B3GALT5: variants seen among roughly 807,000 people sequenced by gnomAD.
B3GALT5 encodes the protein beta-1,3-galactosyltransferase 5.
For missense variants in B3GALT5, 328 were observed against 396.6 expected, an observed-to-expected ratio of 0.83 and a Z score of 1.47; for synonymous variants, 156 against 158.6, an observed-to-expected ratio of 0.98 and a Z score of 0.12.
chr21:39,635,127 G>A (rs56774677), intron 1 of B3GALT5, among the ~76,000 whole-genome samples: 1,756 of 152,264 alleles, frequency 0.012, 39 homozygotes, highest in African/African-American at 0.04. Flanking sequence ...ATTAACAATG[G>A]CAGTCTCTCA....
At chr21:39,653,794 G>A (rs1913235219) in intron 2 of B3GALT5, among the ~76,000 whole-genome samples, 1 of 152,176 alleles carries the variant, frequency 6.6e-6, no homozygotes, top group Admixed American at 6.5e-5. Flanking sequence ...CATTTTCTCA[G>A]TTGCTCAATC....
intron 1 of B3GALT5, among the ~76,000 whole-genome samples, chr21:39,641,461 A>G (rs897305112): frequency 6.6e-6 from 1 of 152,194 alleles, no homozygotes; most frequent in South Asian, 2.1e-4. Flanking sequence ...TGGAATTTAG[A>G]TGAAAAAAAA....
At chr21:39,647,626 G>A (rs1462687049) in intron 2 of B3GALT5, among the ~76,000 whole-genome samples, 7 of 152,108 alleles carry the variant, frequency 4.6e-5, no homozygotes, top group African/African-American at 2.4e-5. Flanking sequence ...GGGATTATGG[G>A]CGTGAGTCAC....
chr21:39,661,370 T>G lies in B3GALT5; in HGVS notation c.811T>G (p.Leu271Val), dbSNP rs142843576. 4.4e-6 allele frequency: 7 copies of G among 1,605,922 alleles called. No homozygotes were observed. The African/African-American group carries it at 9.4e-5, about 21-fold the overall frequency. The change falls in exon 4 of 4, where the codon TTA becomes GTA. Residue 271 changes from leucine to valine, a missense_variant. Physicochemically the swap from Leu to Val is conservative, Grantham distance 32 (BLOSUM62 1). Transcript: ENST00000684187. This position sits in a 1 kb window ranked among gnomAD's most constrained non-coding sequence, Gnocchi z 4.7. The part of the protein sequence containing the change: ...HSQPTFFPGG[L>V]RFSVCLFRRI... ...CCAGCCGACCTTTTTTCCAGGGGGC[T>G]TACGCTTCTCCGTATGCCTCTTCAG...
At chr21:39,628,414 C>T (rs116096181) in intron 1 of B3GALT5, among the ~76,000 whole-genome samples, 3,116 of 152,270 alleles carry the variant, frequency 0.02, 72 homozygotes, top group African/African-American at 0.056. Context: ...CTCACCCTTC[C>T]GAGTCTTTGT....
chr21:39,620,405 T>C (rs2079128313), intron 1 of B3GALT5, among the ~76,000 whole-genome samples: 1 of 152,230 alleles, frequency 6.6e-6, no homozygotes, highest in Admixed American at 6.5e-5. Flanking sequence ...ACCACGGAAA[T>C]TTGATAAATG....
Position 39,660,997 on chromosome 21 carries a change from T to C in B3GALT5, c.438T>C (p.Cys146=), listed in dbSNP as rs1412091201. 3 of 1,612,768 alleles carry C rather than the reference T, an allele frequency of 1.9e-6. No individual in the cohort carries two copies. The African/African-American group carries it at 4.0e-5, about 22-fold the overall frequency. ...GCATAGAATGGGTCCATCGCTTTTGTCCTCAGGCGGCGTTTGTGATGAAAA... is the reference window on the plus strand; with the variant it reads ...GCATAGAATGGGTCCATCGCTTTTGCCCTCAGGCGGCGTTTGTGATGAAAA... The part of the protein sequence containing the change: ...MMGIEWVHRF[C]PQAAFVMKTD... Residue 146 remains cysteine (C), a synonymous_variant, in exon 4 of 4, where the codon TGT becomes TGC. Coordinates refer to ENST00000684187, the MANE Select transcript of B3GALT5 (RefSeq NM_001356336.2).
chr21:39,643,934 G>C (rs1449302087), intron 1 of B3GALT5, among the ~76,000 whole-genome samples: 1 of 152,154 alleles, frequency 6.6e-6, no homozygotes, highest in African/African-American at 2.4e-5. Context: ...TGATAGTTCT[G>C]TCAATCAAGG....
chr21:39,649,738 C>G (rs2079376704), intron 2 of B3GALT5, among the ~76,000 whole-genome samples: 1 of 152,088 alleles, frequency 6.6e-6, no homozygotes, highest in Non-Finnish European at 1.5e-5. Context: ...GGACGAGGAA[C>G]CGATCAGATA....
At chr21:39,630,641 T>C (rs1396862382) in intron 1 of B3GALT5, among the ~76,000 whole-genome samples, 1 of 152,218 alleles carries the variant, frequency 6.6e-6, no homozygotes, top group East Asian at 1.9e-4. Flanking sequence ...GTCAGCGTTT[T>C]CTTTCACATT....
intron 2 of B3GALT5, among the ~76,000 whole-genome samples, chr21:39,649,814 T>TGGTGTGG (rs1453021265): frequency 6.6e-6 from 1 of 152,140 alleles, no homozygotes; most frequent in African/African-American, 2.4e-5. Flanking sequence ...GACAAGGAAC[T>TGGTGTGG]GATCAGATAG....
At chr21:39,647,461 C>G (rs1029784668) in intron 2 of B3GALT5, among the ~76,000 whole-genome samples, 2 of 152,106 alleles carry the variant, frequency 1.3e-5, no homozygotes, top group Non-Finnish European at 2.9e-5. Context: ...GCCTCAGTCT[C>G]CTGAGTGGCT....
At chr21:39,639,452 C>CT (rs1213669228) in intron 1 of B3GALT5, among the ~76,000 whole-genome samples, 3 of 118,962 alleles carry the variant, frequency 2.5e-5, no homozygotes, top group East Asian at 2.5e-4. Context: ...TTCTTTCTTT[C>CT]TTTTTTTCTT....
chr21:39,636,652 T>A (rs117491287), intron 1 of B3GALT5, among the ~76,000 whole-genome samples: 21 of 152,224 alleles, frequency 1.4e-4, no homozygotes, highest in Non-Finnish European at 2.6e-4. Context: ...TTCCCTGTTT[T>A]CCACGAGTCC....
Position 39,637,919 on chromosome 21 carries a change from T to C in B3GALT5, c.-391-8473T>C, listed in dbSNP as rs548124349. 3.3e-5 allele frequency among the ~76,000 whole-genome samples: 5 copies of C among 152,318 alleles called. No individual in the cohort carries two copies. The East Asian group carries it at 7.7e-4, about 24-fold the overall frequency. ...TTTTGAAAGAGGAAGGATTATTTAC[T>C]GTTAGGGGCGGGGAGCAGGAAGCTT... On this transcript the variant is annotated intron_variant, in intron 1 of 3. Coordinates refer to ENST00000684187, the MANE Select transcript of B3GALT5 (RefSeq NM_001356336.2).
rs2079512848 is a variant in B3GALT5 at position 39,660,964 on chromosome 21, C to T, written c.405C>T (p.Thr135=). The T allele has an allele frequency of 6.2e-7, 1 of 1,606,876 alleles. No individual in the cohort carries two copies. The stretch of plus-strand genomic sequence containing the variant: ...TCTATTACAATCTGACCCTGAAGAC[C>T]ATGATGGGCATAGAATGGGTCCATC... The part of the protein sequence containing the change: ...LDVYYNLTLK[T]MMGIEWVHRF... The change falls in exon 4 of 4, where the codon ACC becomes ACT. Residue 135 remains threonine (T), a synonymous_variant. Coordinates refer to ENST00000684187, the MANE Select transcript of B3GALT5 (RefSeq NM_001356336.2).
At chr21:39,647,973 A>G (rs751446637) in intron 2 of B3GALT5, among the ~76,000 whole-genome samples, 4 of 152,236 alleles carry the variant, frequency 2.6e-5, no homozygotes, top group Admixed American at 1.3e-4. Flanking sequence ...TGGCAGCCCT[A>G]TTAATGATGT....
rs1233817989 is a variant in B3GALT5, at chr21:39,623,201, TCCTCCCTCCCTCCCTCCCTC to T, written c.-392+10158_-392+10177del. On this transcript the variant is annotated intron_variant, in intron 1 of 3. Transcript: ENST00000684187. ...TCTTTTCCATCCATCCCTCCCTCCTTCCTCCCTCCCTCCCTCCCTCCCTCCCTCCCTCCCTCCCTCCCTTC... is the reference window on the plus strand; with the variant it reads ...TCTTTTCCATCCATCCCTCCCTCCTTCCTCCCTCCCTCCCTCCCTCCCTTC... Among the ~76,000 whole-genome samples, 429 of 54,254 alleles carry T rather than the reference TCCTCCCTCCCTCCCTCCCTC, an allele frequency of 7.9e-3. 14 individuals carry two copies. Among genetic ancestry groups the T allele is most frequent in the African/African-American group, 0.025 (389 of 15,530 alleles). 35.6% of individuals were successfully genotyped at this position (54,254 alleles called of 152,430 possible).
chr21:39,660,808 G>A lies in B3GALT5; in HGVS notation c.249G>A (p.Glu83=), dbSNP rs781635718. The part of the protein sequence containing the change: ...RMAIRQTWGK[E]RMVKGKQLKT... The stretch of plus-strand genomic sequence containing the variant: ...CCATCCGGCAGACGTGGGGGAAAGA[G>A]AGGATGGTGAAGGGAAAGCAGCTGA... Residue 83 remains glutamate, a synonymous_variant, in exon 4 of 4, where the codon GAG becomes GAA. Transcript: ENST00000684187. The A allele has an allele frequency of 1.7e-5, 27 of 1,590,916 alleles. No homozygotes were observed. The highest frequency in any genetic ancestry group is 1.7e-4 in the Middle Eastern group (1 of 5,952).
Sources: allele counts gnomAD v4.1 joint callset (sites outside exome capture counted in the v4.1 genomes callset), GRCh38; gene constraint gnomAD v4.1.1; non-coding constraint Gnocchi (gnomAD v3.1); transcripts MANE v1.5; gene names NCBI Gene and HGNC (gene_info 2026-07-23, HGNC 2026-07-21).